The following DNAJC16 variants were observed in gnomAD, a reference collection of about 807,000 sequenced individuals.
The protein encoded by DNAJC16 is DnaJ heat shock protein family (Hsp40) member C16.
In DNAJC16, 76 loss-of-function variants were observed where a neutral mutation model predicts 92.7. The ratio of observed to expected loss-of-function variants is 0.82; its 90% CI spans 0.68 to 0.99. The LOEUF (loss-of-function observed/expected upper bound fraction) is 0.99, where lower values mean the gene tolerates loss of function less well. Among genes scored for constraint, DNAJC16 ranks in the 50% least tolerant of loss-of-function variants. The probability of loss-of-function intolerance (pLI) is 0.00; values close to 1 mark genes in which losing one functional copy is unlikely to be tolerated. For synonymous variants in DNAJC16, 328 were observed against 358.7 expected, an observed-to-expected ratio of 0.91 and a Z score of 0.97; for missense variants, 869 against 942.4, an observed-to-expected ratio of 0.92 and a Z score of 1.02.
intron 2 of DNAJC16, among the ~76,000 whole-genome samples, chr1:15,532,719 T>C (rs761540165): frequency 6.6e-6 from 1 of 151,692 alleles, no homozygotes; most frequent in Non-Finnish European, 1.5e-5. Flanking sequence ...TTTTTTGTCA[T>C]CCAGAAATGC....
intron 7 of DNAJC16, among the ~76,000 whole-genome samples, chr1:15,554,570 G>T (rs1638522898): frequency 6.6e-6 from 1 of 151,990 alleles, no homozygotes; most frequent in Non-Finnish European, 1.5e-5. Context: ...TCCTCACTTT[G>T]TTTTTTAGAT....
chr1:15,553,478 C>T (rs540972323), intron 7 of DNAJC16, among the ~76,000 whole-genome samples: 9 of 152,270 alleles, frequency 5.9e-5, no homozygotes, highest in African/African-American at 2.2e-4. Context: ...AGATGATCCA[C>T]CCATCTCGGC....
At chr1:15,566,387 G>C in intron 13 of DNAJC16, 1 of 553,460 alleles carries the variant, frequency 1.8e-6, no homozygotes, top group Non-Finnish European at 3.2e-6. Context: ...TCATAATGAA[G>C]GCAGAAGGAA....
intron 2 of DNAJC16, among the ~76,000 whole-genome samples, chr1:15,533,496 C>T (rs1254353041): frequency 6.6e-5 from 10 of 152,030 alleles, no homozygotes; most frequent in African/African-American, 1.4e-4. Context: ...GTGATAGTGG[C>T]GCAGGCCTGT....
At chr1:15,537,159 G>A (rs1037379249) in intron 4 of DNAJC16, among the ~76,000 whole-genome samples, 2 of 152,052 alleles carry the variant, frequency 1.3e-5, no homozygotes, top group African/African-American at 4.8e-5. Flanking sequence ...CCCCAAAGCA[G>A]GTTTTTTAAA....
intron 5 of DNAJC16, among the ~76,000 whole-genome samples, chr1:15,544,870 G>A (rs1638256152): frequency 6.6e-6 from 1 of 151,244 alleles, no homozygotes; most frequent in South Asian, 2.1e-4. Context: ...AAATGACAGT[G>A]CCTATTTTCT....
intron 11 of DNAJC16, 48 bp downstream of exon 11, chr1:15,564,407 A>G: frequency 8.5e-7 from 1 of 1,173,374 alleles, no homozygotes; most frequent in Non-Finnish European, 1.3e-6. Context: ...TAATACTGAT[A>G]TCACTGTTTT....
chr1:15,564,245 C>A, intron 10 of DNAJC16, 38 bp from the exon 11 acceptor site: 1 of 1,544,292 alleles, frequency 6.5e-7, no homozygotes, highest in Non-Finnish European at 9.0e-7. Flanking sequence ...TCCCTTCCGG[C>A]TTTAGTCCTG....
At position 15,567,167 on chromosome 1, in the gene DNAJC16, T is replaced by TA; in HGVS notation, c.1848dup (p.Arg617ThrfsTer47). On this transcript the variant is annotated frameshift_variant, in exon 14 of 15. Coordinates refer to ENST00000375847, the MANE Select transcript of DNAJC16 (RefSeq NM_015291.4). LOFTEE classifies it high-confidence loss of function. ...GATGTAACATACACCAGTAACTTGG[T>TA]ACGTCTGAGGCCAGGCCACATGAAT... The TA allele has an allele frequency of 1.2e-6, 2 of 1,614,166 alleles. No individual in the cohort carries two copies. Among genetic ancestry groups the TA allele is most frequent in the Middle Eastern group, 3.3e-4 (2 of 6,062 alleles).
Position 15,566,182 on chromosome 1 carries a change from T to TTTCTCTAA in DNAJC16, c.1778+3_1778+10dup. 6.2e-7 allele frequency: 1 copy of TTTCTCTAA among 1,612,858 alleles called. No homozygotes were observed. Among genetic ancestry groups the TTTCTCTAA allele is most frequent in the Non-Finnish European group, 8.5e-7 (1 of 1,179,574 alleles). On this transcript the variant is annotated splice_region_variant and intron_variant, in intron 13 of 14. Coordinates refer to ENST00000375847, the MANE Select transcript of DNAJC16 (RefSeq NM_015291.4). Reference sequence around the variant, plus strand: ...AAGCTTCACCAAAGAAAACAGCAGGTTTCTCTAACAAAACACCAGACTCAC... The same window carrying TTTCTCTAA: ...AAGCTTCACCAAAGAAAACAGCAGGTTTCTCTAATTCTCTAACAAAACACCAGACTCAC...
rs572027000 is a variant in DNAJC16 at position 15,546,767 on chromosome 1, G to C, written c.760G>C (p.Val254Leu). ...ACTAACATTCTATTTTCAATTTAAGGTTACAAATAAAAATTACGTCAGATT... is the reference window on the plus strand; with the variant it reads ...ACTAACATTCTATTTTCAATTTAAGCTTACAAATAAAAATTACGTCAGATT... ...SLLPGNLVEK[V>L]TNKNYVRFLS... Residue 254 changes from valine (V) to leucine (L), a missense_variant and splice_region_variant, in exon 6 of 15, where the codon GTT becomes CTT. Physicochemically the swap from Val to Leu is conservative, Grantham distance 32. Transcript: ENST00000375847. 1.9e-6 allele frequency: 3 copies of C among 1,608,878 alleles called. No individual in the cohort carries two copies. In the Admixed American group the frequency reaches 5.0e-5, roughly 27 times the overall value.
chr1:15,539,015 GA>G (rs921504008), intron 4 of DNAJC16, among the ~76,000 whole-genome samples: 52 of 152,168 alleles, frequency 3.4e-4, no homozygotes, highest in African/African-American at 1.2e-3. Context: ...GCTGAGGGGG[GA>G]AAAAACTTCC....
At chr1:15,540,185 G>T (rs1007766843) in intron 4 of DNAJC16, among the ~76,000 whole-genome samples, 1 of 152,064 alleles carries the variant, frequency 6.6e-6, no homozygotes, top group South Asian at 2.1e-4. Context: ...AATTAACTGG[G>T]CATGGTGGTG....
At chr1:15,562,453 A>G (rs1570928863) in intron 9 of DNAJC16, 128 bp downstream of exon 9, 2 of 1,038,882 alleles carry the variant, frequency 1.9e-6, no homozygotes, top group East Asian at 5.4e-5. Flanking sequence ...CCTATTTTCA[A>G]AGTCTACTCT....
intron 7 of DNAJC16, among the ~76,000 whole-genome samples, chr1:15,553,750 CACT>C (rs1638505338): frequency 6.6e-6 from 1 of 152,190 alleles, no homozygotes; most frequent in Middle Eastern, 3.2e-3. Context: ...CAAAGGTCAG[CACT>C]ATCCTGTTTT....
Position 15,566,100 on chromosome 1 carries a change from A to G in DNAJC16, c.1698A>G (p.Arg566=), listed in dbSNP as rs1053368106. The G allele has an allele frequency of 3.1e-6, 5 of 1,613,906 alleles. No homozygotes were observed. In the African/African-American group the frequency reaches 4.0e-5, roughly 13 times the overall value. The change falls in exon 13 of 15, where the codon CGA becomes CGG. Residue 566 remains arginine (R), a synonymous_variant. Coordinates refer to ENST00000375847, the MANE Select transcript of DNAJC16 (RefSeq NM_015291.4). ...VQAFSDSNDE[R]ESSPPEKEEA... ...ACTTTAGCGACTCTAATGATGAGCGAGAGTCAAGCCCTCCAGAAAAAGAGG... is the reference window on the plus strand; with the variant it reads ...ACTTTAGCGACTCTAATGATGAGCGGGAGTCAAGCCCTCCAGAAAAAGAGG...
At chr1:15,548,611 G>T (rs1346782238) in intron 7 of DNAJC16, among the ~76,000 whole-genome samples, 183 bp downstream of exon 7, 1 of 152,124 alleles carries the variant, frequency 6.6e-6, no homozygotes, top group Non-Finnish European at 1.5e-5. Context: ...AATTTAAAAC[G>T]TTTAAAAATT....
Position 15,565,919 on chromosome 1 carries a change from G to C in DNAJC16, c.1599G>C (p.Trp533Cys), listed in dbSNP as rs200617198. The change falls in exon 12 of 15, where the codon TGG (tryptophan) becomes TGC (cysteine). Residue 533 changes from tryptophan (W) to cysteine (C), a missense_variant and splice_region_variant. Physicochemically the swap from Trp to Cys is radical, Grantham distance 215 (BLOSUM62 -2). Coordinates refer to ENST00000375847, the MANE Select transcript of DNAJC16 (RefSeq NM_015291.4). Reference sequence around the variant, plus strand: ...TAATAGTTTGTTAATTTGGTTTTAGGAGGGAAATGATGCCCCTGCTGTCCC... The same window carrying C: ...TAATAGTTTGTTAATTTGGTTTTAGCAGGGAAATGATGCCCCTGCTGTCCC... ...DCWDSIFHNN[W>C]REMMPLLSLI... The C allele has an allele frequency of 9.9e-6, 16 of 1,613,522 alleles. No individual in the cohort carries two copies. In the East Asian group the frequency reaches 3.6e-4, roughly 36 times the overall value.
chr1:15,563,267 A>C (rs1214254846), intron 9 of DNAJC16, among the ~76,000 whole-genome samples: 1 of 152,096 alleles, frequency 6.6e-6, no homozygotes, highest in Non-Finnish European at 1.5e-5. Flanking sequence ...GGTGGCTCAC[A>C]CCTATAATCC....
Sources: gnomAD v4.1 joint callset for allele counts (sites outside exome capture counted in the v4.1 genomes callset) on GRCh38, gnomAD v4.1.1 for gene constraint, MANE v1.5 for transcripts, NCBI Gene and HGNC (gene_info 2026-07-23, HGNC 2026-07-21) for gene names.